UGT2B28: variants seen among roughly 807,000 people sequenced by gnomAD.
UGT2B28 encodes UDP glucuronosyltransferase family 2 member B28, also known as UDP-glucuronosyltransferase 2B28.
Under a neutral mutation model 43.6 loss-of-function variants are expected in UGT2B28, and 45 were observed. The ratio of observed to expected loss-of-function variants is 1.03; its 90% CI spans 0.81 to 1.32. The LOEUF is 1.32. UGT2B28 is among the 40% of genes most tolerant of loss of function. The pLI is 0.00. For missense variants in UGT2B28, 649 were observed against 625.5 expected (o/e 1.04, Z -0.40); for synonymous variants, 204 against 208.1 (o/e 0.98, Z 0.17).
rs576607812 is a variant in UGT2B28, at chr4:69,293,694, A to G, written c.1311-836A>G. ...TGAGAACACCTTTGGAAGCTTAAAG[A>G]AAATTAGAAGGCCAATCTAGAAGAC... On this transcript the variant is annotated intron_variant, in intron 5 of 5. Transcript: ENST00000335568. Among the ~76,000 whole-genome samples the G allele has an allele frequency of 2.1e-5, 3 of 140,180 alleles. 1 individual carries two copies. The South Asian group carries it at 7.2e-4, about 34-fold the overall frequency. 92.0% of individuals were successfully genotyped at this position (140,180 alleles called of 152,430 possible).
chr4:69,293,495 CAGAAAATAG>C (rs1293707332), intron 5 of UGT2B28, among the ~76,000 whole-genome samples: 5 of 139,676 alleles, frequency 3.6e-5, no homozygotes, highest in Non-Finnish European at 7.6e-5. Context: ...AAAATAAGCA[CAGAAAATAG>C]AGAAAATTCT....
intron 4 of UGT2B28, 86 bp downstream of exon 4, chr4:69,289,838 T>C: frequency 7.7e-7 from 1 of 1,305,236 alleles, no homozygotes; most frequent in East Asian, 2.5e-5. Flanking sequence ...GCTTATTGAA[T>C]ATTTATTATA....
intron 3 of UGT2B28, among the ~76,000 whole-genome samples, chr4:69,287,862 TCTAA>T (rs1326615234): frequency 7.1e-6 from 1 of 141,048 alleles, no homozygotes; most frequent in Non-Finnish European, 1.5e-5. Context: ...TGTAATGACC[TCTAA>T]CTTTTTGCTG....
chr4:69,289,527 G>C lies in UGT2B28; in HGVS notation c.1003-138G>C, dbSNP rs185021701. On this transcript the variant is annotated intron_variant, in intron 3 of 5. Transcript: ENST00000335568. ...TAAAAGTTAAGAAAATAAAATGTGA[G>C]TATTGTTTTTACATCAATCTCTGAG... is the stretch of plus-strand genomic sequence containing the variant. 6.0e-4 allele frequency: 459 copies of C among 759,892 alleles called. 93 individuals carry two copies. The African/African-American group carries it at 9.1e-3, about 15-fold the overall frequency. 47.1% of individuals were successfully genotyped at this position (759,892 alleles called of 1,614,324 possible). A position where few individuals can be genotyped will look rare whatever the true frequency, so the allele number is the denominator to read the frequency against.
intron 2 of UGT2B28, 127 bp downstream of exon 2, chr4:69,282,789 A>T (rs1723656441): frequency 7.4e-7 from 1 of 1,357,314 alleles, no homozygotes; most frequent in Admixed American, 2.8e-5. Context: ...TGTAAAGCAG[A>T]TACCAAATAG....
rs1330851733 is a variant in UGT2B28, at chr4:69,285,806, T to C, written c.871-946T>C. Among the ~76,000 whole-genome samples, 7 of 140,808 alleles carry C rather than the reference T, an allele frequency of 5.0e-5. 2 individuals carry two copies. The highest frequency in any genetic ancestry group is 1.9e-4 in the African/African-American group (7 of 36,000). 92.4% of individuals were successfully genotyped at this position (140,808 alleles called of 152,430 possible). On this transcript the variant is annotated intron_variant, in intron 2 of 5. Transcript: ENST00000335568. ...AAGCACATCTTCACCAGGCGTGTAA[T>C]GTGGTGTGCGTGAGCTACTCAAAAG...
rs1322826394 is a variant in UGT2B28, at chr4:69,282,302, C to A, written c.722-212C>A. 2.9e-5 allele frequency among the ~76,000 whole-genome samples: 4 copies of A among 139,690 alleles called. No individual in the cohort carries two copies. In the East Asian group the frequency reaches 6.1e-4, roughly 21 times the overall value. The allele number at this position is 139,690 out of a possible 152,430, so 91.6% of individuals were successfully genotyped here. A position where few individuals can be genotyped will look rare whatever the true frequency, so the allele number is the denominator to read the frequency against. ...AGAGATGTCGCTTAACTTCATAATT[C>A]TCCCACCACTTTGCCTTTCTTATAA... On this transcript the variant is annotated intron_variant, in intron 1 of 5. Transcript: ENST00000335568.
Position 69,294,596 on chromosome 4 carries a change from A to G in UGT2B28, c.1377A>G (p.Arg459=). 1 of 1,556,752 alleles carries G rather than the reference A, an allele frequency of 6.4e-7. No homozygotes were observed. Among genetic ancestry groups the G allele is most frequent in the Non-Finnish European group, 8.7e-7 (1 of 1,153,738 alleles). The change falls in exon 6 of 6, where the codon CGA becomes CGG. Residue 459 remains arginine (R), a synonymous_variant. Coordinates refer to ENST00000335568, the MANE Select transcript of UGT2B28 (RefSeq NM_053039.2). ...ATCAACCAGTAAAGCCCCTGCATCGAGCAGTCTTCTGGATTGAATTTGTGA... is the reference window on the plus strand; with the variant it reads ...ATCAACCAGTAAAGCCCCTGCATCGGGCAGTCTTCTGGATTGAATTTGTGA... The part of the protein sequence containing the change: ...QHDQPVKPLH[R]AVFWIEFVMC...
Position 69,289,745 on chromosome 4 carries a change from C to T in UGT2B28, c.1083C>T (p.Asp361=). The change falls in exon 4 of 6, where the codon GAC becomes GAT. Residue 361 remains aspartate, a synonymous_variant. Transcript: ENST00000335568. ...TRLYKWIPQN[D]LLGLPKTRAF... is the part of the protein sequence containing the mutation. The stretch of plus-strand genomic sequence containing the variant: ...TGTATAAGTGGATACCCCAGAATGA[C>T]CTTCTAGGTAACACTCTGGTGAACA... The T allele has an allele frequency of 1.3e-6, 2 of 1,552,186 alleles. No homozygotes were observed. Among genetic ancestry groups the T allele is most frequent in the Non-Finnish European group, 1.7e-6 (2 of 1,151,790 alleles).
At position 69,282,511 on chromosome 4, in the gene UGT2B28, C is replaced by G; in HGVS notation, c.722-3C>G. ...CACTTTTTCTTTTCTTTATTCCTGT[C>G]AGGAAGACCCACTACCTTATTTGAG... is the stretch of plus-strand genomic sequence containing the variant. On this transcript the variant is annotated splice_region_variant and splice_polypyrimidine_tract_variant and intron_variant, in intron 1 of 5. Coordinates refer to ENST00000335568, the MANE Select transcript of UGT2B28 (RefSeq NM_053039.2). 2 of 1,539,002 alleles carry G rather than the reference C, an allele frequency of 1.3e-6. No homozygotes were observed. Among genetic ancestry groups the G allele is most frequent in the South Asian group, 2.5e-5 (2 of 79,694 alleles).
In UGT2B28 at chr4:69,293,203, A is replaced by G. The variant is rs1189519854; in HGVS notation, c.1311-1327A>G. Among the ~76,000 whole-genome samples, 2 of 139,912 alleles carry G rather than the reference A, an allele frequency of 1.4e-5. 1 individual carries two copies. Among genetic ancestry groups the G allele is most frequent in the African/African-American group, 5.6e-5 (2 of 35,864 alleles). 91.8% of individuals were successfully genotyped at this position (139,912 alleles called of 152,430 possible). On this transcript the variant is annotated intron_variant, in intron 5 of 5. Coordinates refer to ENST00000335568, the MANE Select transcript of UGT2B28 (RefSeq NM_053039.2). Reference sequence around the variant, plus strand: ...TAATTCAATTACATAAACAAGCAAAACTAATGTTGTGATTCGAAGTCAGGC... The same window carrying G: ...TAATTCAATTACATAAACAAGCAAAGCTAATGTTGTGATTCGAAGTCAGGC...
In UGT2B28 at chr4:69,283,597, T is replaced by C. The variant is rs1157089471; in HGVS notation, c.870+935T>C. On this transcript the variant is annotated intron_variant, in intron 2 of 5. Transcript: ENST00000335568. ...TTGCTAAAATAGTGCCAACTTCATA[T>C]TGTGTTGTGTGGAAGAAATATTAAA... Among the ~76,000 whole-genome samples, 5 of 140,550 alleles carry C rather than the reference T, an allele frequency of 3.6e-5. 2 individuals carry two copies. The highest frequency in any genetic ancestry group is 4.7e-4 in the South Asian group (2 of 4,236). 92.2% of individuals were successfully genotyped at this position (140,550 alleles called of 152,430 possible).
chr4:69,291,473 G>A (rs571537855), intron 5 of UGT2B28, among the ~76,000 whole-genome samples: 2 of 140,716 alleles, frequency 1.4e-5, no homozygotes, highest in South Asian at 4.7e-4. Flanking sequence ...AAACGGAATC[G>A]TACAGTCTCA....
chr4:69,293,579 CAAA>C (rs1355800532), intron 5 of UGT2B28, among the ~76,000 whole-genome samples: 1 of 139,348 alleles, frequency 7.2e-6, no homozygotes, highest in Non-Finnish European at 1.5e-5. Context: ...AGGGAAGCCA[CAAA>C]AAGGGAGAGA....
Position 69,283,790 on chromosome 4 carries a change from A to C in UGT2B28, c.870+1128A>C, listed in dbSNP as rs1221098640. Among the ~76,000 whole-genome samples the C allele has an allele frequency of 6.4e-5, 9 of 140,612 alleles. 1 individual carries two copies. Among genetic ancestry groups the C allele is most frequent in the Non-Finnish European group, 1.2e-4 (8 of 65,692 alleles). 92.2% of individuals were successfully genotyped at this position (140,612 alleles called of 152,430 possible). ...ATTTAAGAGAACCAGATTATTCAGC[A>C]CATCAAGGTTATATTCTCTTGCAAA... On this transcript the variant is annotated intron_variant, in intron 2 of 5. Transcript: ENST00000335568.
chr4:69,291,490 G>A (rs1413733543), intron 5 of UGT2B28, among the ~76,000 whole-genome samples: 1 of 140,782 alleles, frequency 7.1e-6, no homozygotes, highest in African/African-American at 2.8e-5. Context: ...CTCAGGTGCT[G>A]TGTAAATGAC....
At chr4:69,282,404 C>G in intron 1 of UGT2B28, 110 bp from the exon 2 acceptor site, 1 of 1,150,474 alleles carries the variant, frequency 8.7e-7, no homozygotes, top group Non-Finnish European at 1.1e-6. Flanking sequence ...TTTTTCAAAG[C>G]ACACAAACTT....
chr4:69,282,262 C>T (rs1384938828), intron 1 of UGT2B28, among the ~76,000 whole-genome samples: 5 of 139,840 alleles, frequency 3.6e-5, no homozygotes, highest in African/African-American at 8.4e-5. Flanking sequence ...ATTGTGAGTA[C>T]ACTGACTTGA....
At chr4:69,288,013 A>C (rs1577995040) in intron 3 of UGT2B28, among the ~76,000 whole-genome samples, 1 of 140,406 alleles carries the variant, frequency 7.1e-6, no homozygotes, top group East Asian at 2.0e-4. Flanking sequence ...AGAACATATT[A>C]ATCACTGTTG....
Sources: gnomAD v4.1 joint callset for allele counts (sites outside exome capture counted in the v4.1 genomes callset) on GRCh38, gnomAD v4.1.1 for gene constraint, MANE v1.5 for transcripts, NCBI Gene and HGNC (gene_info 2026-07-23, HGNC 2026-07-21) for gene names.